ADAM12: variants seen among roughly 807,000 people sequenced by gnomAD.
ADAM12 encodes the protein ADAM metallopeptidase domain 12.
In ADAM12, 70 loss-of-function variants were observed where a neutral mutation model predicts 106.4. That is an observed-to-expected ratio of 0.66 (90% confidence interval 0.54 to 0.80). ADAM12 has a LOEUF of 0.80. Ranked by LOEUF, ADAM12 falls within the 30% of genes least tolerant of loss-of-function variation. The pLI, the probability that ADAM12 is intolerant of heterozygous loss-of-function variation, is 0.00. For synonymous variants in ADAM12, 420 were observed against 433.5 expected, an observed-to-expected ratio of 0.97 and a Z score of 0.39; for missense variants, 1,010 against 1,171.9, an observed-to-expected ratio of 0.86 and a Z score of 2.02.
rs770349372 is a variant in ADAM12 at position 126,135,562 on chromosome 10, C to T, written c.416+22G>A. On this transcript the variant is annotated intron_variant, in intron 5 of 22. Coordinates refer to ENST00000448723, the MANE Select transcript of ADAM12 (RefSeq NM_001288973.2). ...GCAGTAGATGGCTGAAGACTAGAGC[C>T]GCCATGGTCATGGCCACTTACCTGA... 92 of 1,608,958 alleles carry T rather than the reference C, an allele frequency of 5.7e-5. No homozygotes were observed. The Middle Eastern group carries it at 6.6e-4, about 12-fold the overall frequency.
intron 3 of ADAM12, among the ~76,000 whole-genome samples, chr10:126,169,079 A>G (rs1023341133): frequency 1.3e-5 from 2 of 152,040 alleles, no homozygotes; most frequent in African/African-American, 4.8e-5. Flanking sequence ...AGCAAAAAAC[A>G]CATTCCTTAG....
At chr10:126,364,438 A>C (rs1416127654) in intron 1 of ADAM12, among the ~76,000 whole-genome samples, 2 of 152,212 alleles carry the variant, frequency 1.3e-5, no homozygotes, top group African/African-American at 4.8e-5. Flanking sequence ...CTGAATATCT[A>C]CTAAAACCAG....
intron 5 of ADAM12, among the ~76,000 whole-genome samples, chr10:126,126,965 G>A (rs1056945965): frequency 6.6e-6 from 1 of 152,158 alleles, no homozygotes; most frequent in East Asian, 1.9e-4. Context: ...TGGGGCCTGG[G>A]GAGAGCTGAG....
intron 5 of ADAM12, among the ~76,000 whole-genome samples, chr10:126,132,530 C>CG (rs986036395): frequency 7.8e-5 from 11 of 141,856 alleles, no homozygotes; most frequent in East Asian, 5.1e-4. Context: ...GAACACCCCC[C>CG]CCCCCTCAAC....
chr10:126,376,927 G>A (rs12268156), intron 1 of ADAM12, among the ~76,000 whole-genome samples: 23 of 152,108 alleles, frequency 1.5e-4, no homozygotes, highest in African/African-American at 4.6e-4. Flanking sequence ...CCTGCACTAC[G>A]GCCCTGTGGA....
chr10:126,053,509 A>C lies in ADAM12; in HGVS notation c.1610-3840T>G, dbSNP rs1483610984. Among the ~76,000 whole-genome samples, 1 of 152,122 alleles carries C rather than the reference A, an allele frequency of 6.6e-6. No individual in the cohort carries two copies. Among genetic ancestry groups the C allele is most frequent in the Admixed American group, 6.5e-5 (1 of 15,272 alleles). On this transcript the variant is annotated intron_variant, in intron 14 of 22. Coordinates refer to ENST00000448723, the MANE Select transcript of ADAM12 (RefSeq NM_001288973.2). The surrounding 1 kb of genome is among the most constrained non-coding windows in gnomAD (Gnocchi z 4.6). Reference sequence around the variant, plus strand: ...ATTCTCCCAAAGACAAACCCTCAGAAAGGCTTGTGGCCAATTCGAATATGT... The same window carrying C: ...ATTCTCCCAAAGACAAACCCTCAGACAGGCTTGTGGCCAATTCGAATATGT...
intron 4 of ADAM12, among the ~76,000 whole-genome samples, chr10:126,152,791 A>G (rs954052379): frequency 6.6e-6 from 1 of 152,070 alleles, no homozygotes; most frequent in African/African-American, 2.4e-5. Flanking sequence ...TTATCTTGCT[A>G]TTTTATGTTT....
At chr10:126,309,135 C>T (rs1460594977) in intron 2 of ADAM12, among the ~76,000 whole-genome samples, 1 of 152,230 alleles carries the variant, frequency 6.6e-6, no homozygotes, top group Non-Finnish European at 1.5e-5. Flanking sequence ...TCACCGTATT[C>T]TACACCTTTT....
At chr10:126,085,010 A>G (rs1268864714) in intron 11 of ADAM12, among the ~76,000 whole-genome samples, 2 of 152,240 alleles carry the variant, frequency 1.3e-5, no homozygotes, top group African/African-American at 2.4e-5. Context: ...GAATGGTTCT[A>G]CAAAGTCTTA....
chr10:126,102,208 T>G (rs1443519433), intron 8 of ADAM12, among the ~76,000 whole-genome samples: 1 of 152,072 alleles, frequency 6.6e-6, no homozygotes, highest in African/African-American at 2.4e-5. Flanking sequence ...AGCAGATGGC[T>G]TTGTACTCAT....
At chr10:126,364,502 C>T (rs1855846431) in intron 1 of ADAM12, among the ~76,000 whole-genome samples, 2 of 152,004 alleles carry the variant, frequency 1.3e-5, no homozygotes, top group Non-Finnish European at 2.9e-5. Flanking sequence ...TAAACTAATA[C>T]AAGATATATC....
rs375201581 is a variant in ADAM12, at chr10:126,293,337, G to C, written c.187-14349C>G. 9.2e-5 allele frequency among the ~76,000 whole-genome samples: 14 copies of C among 152,084 alleles called. No individual in the cohort carries two copies. The South Asian group carries it at 2.9e-3, about 32-fold the overall frequency. ...TCTCCCAGCCCCACCTGCCCTATGG[G>C]ATCCACACATGGAGCCCAAGGGGCA... On this transcript the variant is annotated intron_variant, in intron 2 of 22. Coordinates refer to ENST00000448723, the MANE Select transcript of ADAM12 (RefSeq NM_001288973.2).
chr10:126,258,184 T>C (rs1958930223), intron 3 of ADAM12, among the ~76,000 whole-genome samples: 1 of 152,210 alleles, frequency 6.6e-6, no homozygotes, highest in Non-Finnish European at 1.5e-5. Flanking sequence ...AATGTAAGCA[T>C]AAGTTTATTC....
intron 3 of ADAM12, among the ~76,000 whole-genome samples, chr10:126,157,179 C>G (rs12771942): frequency 0.11 from 16,359 of 152,242 alleles, 977 homozygotes; most frequent in Admixed American, 0.13. Context: ...AATGTGGCCA[C>G]CACCTCCATC....
At chr10:126,089,585 T>C (rs1264422197) in intron 11 of ADAM12, among the ~76,000 whole-genome samples, 1 of 152,182 alleles carries the variant, frequency 6.6e-6, no homozygotes, top group Non-Finnish European at 1.5e-5. Context: ...TCAGATCATA[T>C]TCCTATCTTG....
Position 126,037,285 on chromosome 10 carries a change from C to CTTTTT in ADAM12, c.2349+951_2349+955dup, listed in dbSNP as rs34515487. ...TGGGGCTCTCAAAAATAAGGCTGTG[C>CTTTTT]TTTTTTTTTTTTTTTAATAGAGCTG... is the stretch of plus-strand genomic sequence containing the variant. On this transcript the variant is annotated intron_variant, in intron 20 of 22. Coordinates refer to ENST00000448723, the MANE Select transcript of ADAM12 (RefSeq NM_001288973.2). 9.8e-4 allele frequency among the ~76,000 whole-genome samples: 133 copies of CTTTTT among 136,294 alleles called. 1 individual carries two copies. The highest frequency in any genetic ancestry group is 3.3e-3 in the African/African-American group (118 of 36,096). 89.4% of individuals were successfully genotyped at this position (136,294 alleles called of 152,430 possible).
chr10:126,147,304 C>G (rs977442677), intron 4 of ADAM12, among the ~76,000 whole-genome samples: 5 of 152,190 alleles, frequency 3.3e-5, no homozygotes, highest in South Asian at 4.1e-4. Context: ...ACCTGGGCTT[C>G]AGGCTGTTCC....
rs1351406382 is a variant in ADAM12, at chr10:126,017,250, C to A, written c.*29G>T. On this transcript the variant is annotated 3_prime_UTR_variant, in exon 23 of 23. Coordinates refer to ENST00000448723, the MANE Select transcript of ADAM12 (RefSeq NM_001288973.2). The stretch of plus-strand genomic sequence containing the variant: ...GCTGAAAGATAGTGCAAACTTCTGT[C>A]TTCACTGTTGAAAAAAGGTGTCGGC... 1.0e-5 allele frequency: 16 copies of A among 1,564,006 alleles called. No homozygotes were observed. Among genetic ancestry groups the A allele is most frequent in the Non-Finnish European group, 1.3e-5 (15 of 1,151,042 alleles).
intron 21 of ADAM12, among the ~76,000 whole-genome samples, chr10:126,026,281 G>A (rs532309753): frequency 6.6e-6 from 1 of 152,264 alleles, no homozygotes; most frequent in African/African-American, 2.4e-5. Context: ...AATAAGAAGA[G>A]CTAACTATCC....
Sources: allele counts gnomAD v4.1 joint callset (sites outside exome capture counted in the v4.1 genomes callset), GRCh38; gene constraint gnomAD v4.1.1; non-coding constraint Gnocchi (gnomAD v3.1); transcripts MANE v1.5; gene names NCBI Gene and HGNC (gene_info 2026-07-23, HGNC 2026-07-21).